The following CDK5RAP2 variants were observed in gnomAD, a reference collection of about 807,000 sequenced individuals.
CDK5RAP2 encodes the protein CDK5 regulatory subunit-associated protein 2.
CDK5RAP2 carries 147 observed loss-of-function variants against 232.9 expected under a neutral mutation model. The observed-to-expected ratio is 0.63, with a 90% CI of 0.55 to 0.72. CDK5RAP2 has a LOEUF of 0.72. Among genes scored for constraint, CDK5RAP2 ranks in the 30% least tolerant of loss-of-function variants. The pLI is 0.00. For synonymous variants in CDK5RAP2, 833 were observed against 833.7 expected (o/e 1.00, Z 0.01); for missense variants, 2,195 against 2,231.5 (o/e 0.98, Z 0.33).
chr9:120,572,875 A>C (rs2042903725), intron 1 of CDK5RAP2, among the ~76,000 whole-genome samples: 1 of 152,252 alleles, frequency 6.6e-6, no homozygotes, highest in African/African-American at 2.4e-5. Context: ...AATTTATAAA[A>C]GATTTACCAT....
chr9:120,572,423 C>T (rs947033597), intron 1 of CDK5RAP2, among the ~76,000 whole-genome samples: 2 of 152,162 alleles, frequency 1.3e-5, no homozygotes, highest in Non-Finnish European at 2.9e-5. Context: ...TGTATATAAA[C>T]ACAAAGCACA....
At position 120,511,741 on chromosome 9, in the gene CDK5RAP2, T is replaced by C. The variant is rs539298503; in HGVS notation, c.1311+6686A>G. On this transcript the variant is annotated intron_variant, in intron 12 of 37. Transcript: ENST00000349780. Reference sequence around the variant, plus strand: ...TGAAGGATATCACAACATGCTTTTTTTTTTTTTTTTTTTTTTGAGACAGTC... The same window carrying C: ...TGAAGGATATCACAACATGCTTTTTCTTTTTTTTTTTTTTTTGAGACAGTC... 4.1e-5 allele frequency among the ~76,000 whole-genome samples: 6 copies of C among 147,340 alleles called. No homozygotes were observed. In the East Asian group the frequency reaches 1.2e-3, roughly 29 times the overall value.
chr9:120,502,753 G>A lies in CDK5RAP2; in HGVS notation c.1312-11276C>T, dbSNP rs76959169. ...AGGGATCCTATGCAAATTTGTATGC[G>A]TGTACATTTGCGGTCGGGGGTCAGG... On this transcript the variant is annotated intron_variant, in intron 12 of 37. Coordinates refer to ENST00000349780, the MANE Select transcript of CDK5RAP2 (RefSeq NM_018249.6). Among the ~76,000 whole-genome samples, 1,274 of 152,302 alleles carry A rather than the reference G, an allele frequency of 8.4e-3. 20 individuals are homozygous for A. The highest frequency in any genetic ancestry group is 0.029 in the African/African-American group (1,185 of 41,568).
At chr9:120,499,967 AT>A (rs2039498241) in intron 12 of CDK5RAP2, among the ~76,000 whole-genome samples, 1 of 152,000 alleles carries the variant, frequency 6.6e-6, no homozygotes, top group South Asian at 2.1e-4. Context: ...TAAAAGAACA[AT>A]TAAACAAAAA....
intron 11 of CDK5RAP2, among the ~76,000 whole-genome samples, chr9:120,521,006 C>T (rs954604814): frequency 2.0e-5 from 3 of 151,892 alleles, no homozygotes; most frequent in Non-Finnish European, 4.4e-5. Flanking sequence ...TCATATATAT[C>T]ATATGATACA....
At chr9:120,465,050 A>C (rs2037297500) in intron 18 of CDK5RAP2, among the ~76,000 whole-genome samples, 1 of 152,268 alleles carries the variant, frequency 6.6e-6, no homozygotes, top group Non-Finnish European at 1.5e-5. Flanking sequence ...GTTCAATTAA[A>C]CTATGCCCCT....
In CDK5RAP2 at chr9:120,560,606, T is replaced by C. The variant is rs2042426901; in HGVS notation, c.195+7715A>G. Among the ~76,000 whole-genome samples the C allele has an allele frequency of 1.3e-5, 2 of 152,162 alleles. 1 individual carries two copies. Among genetic ancestry groups the C allele is most frequent in the Admixed American group, 1.3e-4 (2 of 15,270 alleles). On this transcript the variant is annotated intron_variant, in intron 3 of 37. Transcript: ENST00000349780. ...AGGGAAGTATTCTGGTCTGCATACA[T>C]AGATGGTGGTATTGTCTCTTTTTTT...
In CDK5RAP2 at chr9:120,430,447, C is replaced by T. The variant is rs879443982; in HGVS notation, c.3955+6848G>A. ...ACAAACAACCCCATCAAAAAGTGGG[C>T]GAAGGATATGAACAGACACTTCTCA... is the stretch of plus-strand genomic sequence containing the variant. On this transcript the variant is annotated intron_variant, in intron 25 of 37. Transcript: ENST00000349780. 4.0e-3 allele frequency among the ~76,000 whole-genome samples: 605 copies of T among 150,308 alleles called. 3 individuals are homozygous for T. Among genetic ancestry groups the T allele is most frequent in the African/African-American group, 0.014 (561 of 41,188 alleles).
At chr9:120,511,990 G>C (rs903326001) in intron 12 of CDK5RAP2, among the ~76,000 whole-genome samples, 10 of 151,954 alleles carry the variant, frequency 6.6e-5, no homozygotes, top group Non-Finnish European at 1.3e-4. Context: ...CACCCACCTC[G>C]GCCTCCCAAA....
Position 120,408,361 on chromosome 9 carries a change from T to C in CDK5RAP2, c.4712A>G (p.His1571Arg), listed in dbSNP as rs2033619125. Reference sequence around the variant, plus strand: ...GGCCTCAGTACCTCTCAGTCTCCTGTGCTCTTCATCCAGCTTCTCATACGC... The same window carrying C: ...GGCCTCAGTACCTCTCAGTCTCCTGCGCTCTTCATCCAGCTTCTCATACGC... ...LKAYEKLDEE[H>R]RRLREASGEG... The change falls in exon 31 of 38, where the codon CAC becomes CGC. Residue 1571 changes from histidine to arginine, a missense_variant. Transcript: ENST00000349780. The C allele has an allele frequency of 6.2e-7, 1 of 1,614,020 alleles. No homozygotes were observed.
chr9:120,441,943 A>G (rs1408452412), intron 23 of CDK5RAP2, among the ~76,000 whole-genome samples: 1 of 152,230 alleles, frequency 6.6e-6, no homozygotes, highest in Non-Finnish European at 1.5e-5. Flanking sequence ...CAAGAAAGAG[A>G]AAGAGGAACT....
chr9:120,558,371 CAA>C (rs60669308), intron 3 of CDK5RAP2, among the ~76,000 whole-genome samples: 3 of 40,076 alleles, frequency 7.5e-5, no homozygotes, highest in African/African-American at 3.2e-4. Flanking sequence ...GACTCCGTCT[CAA>C]AAAAAAAAAA....
Position 120,400,956 on chromosome 9 carries a change from C to G in CDK5RAP2, c.5308-71G>C. 1.9e-6 allele frequency: 3 copies of G among 1,550,182 alleles called. No individual in the cohort carries two copies. In the South Asian group the frequency reaches 3.4e-5, roughly 18 times the overall value. ...TTTTAGACAAGCAAGCCTTAACATG[C>G]AGTATAAATCTCCAGACTGTAGGGC... On this transcript the variant is annotated intron_variant, in intron 34 of 37. Coordinates refer to ENST00000349780, the MANE Select transcript of CDK5RAP2 (RefSeq NM_018249.6).
intron 7 of CDK5RAP2, among the ~76,000 whole-genome samples, chr9:120,535,958 C>T (rs1215971119): frequency 6.6e-6 from 1 of 152,174 alleles, no homozygotes; most frequent in African/African-American, 2.4e-5. Flanking sequence ...TGGGAAGAAC[C>T]ACAAGAGAAA....
At chr9:120,578,425 T>G (rs1318547845) in intron 1 of CDK5RAP2, among the ~76,000 whole-genome samples, 4 of 152,082 alleles carry the variant, frequency 2.6e-5, no homozygotes, top group Non-Finnish European at 5.9e-5. Flanking sequence ...AGGACCCAAT[T>G]AGACAGGAAC....
rs147569491 is a variant in CDK5RAP2 at position 120,426,355 on chromosome 9, A to G, written c.3956-3614T>C. Among the ~76,000 whole-genome samples the G allele has an allele frequency of 1.2e-4, 18 of 152,326 alleles. No individual in the cohort carries two copies. In the East Asian group the frequency reaches 3.1e-3, roughly 26 times the overall value. ...TTTATATGTTTTAGGGAGACAAAAG[A>G]TATCAATCAACATATGTGAGGTATA... On this transcript the variant is annotated intron_variant, in intron 25 of 37. Coordinates refer to ENST00000349780, the MANE Select transcript of CDK5RAP2 (RefSeq NM_018249.6).
intron 14 of CDK5RAP2, among the ~76,000 whole-genome samples, chr9:120,484,554 T>C (rs915767501): frequency 6.6e-6 from 1 of 152,066 alleles, no homozygotes; most frequent in African/African-American, 2.4e-5. Flanking sequence ...AAACCCTGTC[T>C]CTACCAAAAC....
chr9:120,489,335 T>C (rs1017540214), intron 13 of CDK5RAP2, among the ~76,000 whole-genome samples: 2 of 152,252 alleles, frequency 1.3e-5, no homozygotes, highest in Non-Finnish European at 2.9e-5. Context: ...ATGGGTCTTT[T>C]CTCATTCTTT....
intron 35 of CDK5RAP2, among the ~76,000 whole-genome samples, chr9:120,396,764 TATA>T (rs1167719028): frequency 6.6e-6 from 1 of 152,244 alleles, no homozygotes; most frequent in Non-Finnish European, 1.5e-5. Flanking sequence ...ACATCCTGTA[TATA>T]TTCTATCCAG....
Sources: allele counts gnomAD v4.1 joint callset (sites outside exome capture counted in the v4.1 genomes callset), GRCh38; gene constraint gnomAD v4.1.1; transcripts MANE v1.5; gene names NCBI Gene and HGNC (gene_info 2026-07-23, HGNC 2026-07-21).